Variants in STX18 observed in about 807,000 individuals in gnomAD.
STX18 encodes syntaxin-18.
STX18 carries 40 observed loss-of-function variants against 50.1 expected under a neutral mutation model. The observed-to-expected ratio is 0.80, with a 90% CI of 0.62 to 1.04. STX18 has a LOEUF of 1.04. Among genes scored for constraint, STX18 ranks in the 50% least tolerant of loss-of-function variants. The pLI is 0.00. For synonymous variants in STX18, 158 were observed against 151.8 expected (o/e 1.04, Z -0.30); for missense variants, 410 against 415.8 (o/e 0.99, Z 0.12).
At chr4:4,499,237 A>G (rs1331079030) in intron 1 of STX18, among the ~76,000 whole-genome samples, 2 of 152,238 alleles carry the variant, frequency 1.3e-5, no homozygotes, top group African/African-American at 2.4e-5. Flanking sequence ...ATGGAAAGCC[A>G]TAATTGTAAT....
intron 1 of STX18, among the ~76,000 whole-genome samples, chr4:4,487,412 G>A (rs1461203438): frequency 6.6e-6 from 1 of 152,206 alleles, no homozygotes; most frequent in African/African-American, 2.4e-5. Flanking sequence ...CGGACACCAT[G>A]TTAAACCCAT....
At chr4:4,527,865 C>CATATATATATATATAT (rs1164396031) in intron 1 of STX18, among the ~76,000 whole-genome samples, 4 of 103,504 alleles carry the variant, frequency 3.9e-5, no homozygotes, top group African/African-American at 1.4e-4. Flanking sequence ...CACACACACA[C>CATATATATATATATAT]ACATATATAT....
chr4:4,422,129 T>A (rs771948243), intron 9 of STX18, among the ~76,000 whole-genome samples: 5 of 152,180 alleles, frequency 3.3e-5, no homozygotes, highest in Non-Finnish European at 7.4e-5. Context: ...TGGGATGGCT[T>A]TGCCTCATCA....
chr4:4,496,917 G>A (rs749050016), intron 1 of STX18, among the ~76,000 whole-genome samples: 2 of 152,226 alleles, frequency 1.3e-5, no homozygotes, highest in Non-Finnish European at 2.9e-5. Flanking sequence ...AGGAGGTGGG[G>A]AGAACTCCTT....
chr4:4,459,005 G>A (rs13149793), intron 3 of STX18, among the ~76,000 whole-genome samples: 13,896 of 151,358 alleles, frequency 0.092, 1,172 homozygotes, highest in African/African-American at 0.22. Context: ...GCACACATGT[G>A]CATACACACA....
chr4:4,467,724 T>C (rs1025886216), intron 2 of STX18, among the ~76,000 whole-genome samples: 5 of 116,998 alleles, frequency 4.3e-5, no homozygotes, highest in Non-Finnish European at 7.9e-5. Flanking sequence ...ACATTCAGGA[T>C]GGAAAGATAA....
intron 1 of STX18, among the ~76,000 whole-genome samples, chr4:4,512,258 G>A (rs1351726788): frequency 6.6e-6 from 1 of 151,934 alleles, no homozygotes; most frequent in Non-Finnish European, 1.5e-5. Flanking sequence ...ATGAAAACTG[G>A]CCACCAACAG....
At chr4:4,523,931 C>T (rs1460321029) in intron 1 of STX18, among the ~76,000 whole-genome samples, 1 of 152,162 alleles carries the variant, frequency 6.6e-6, no homozygotes, top group Non-Finnish European at 1.5e-5. Context: ...TCCTGTTATG[C>T]CCTCTCCCTT....
At chr4:4,499,940 T>C (rs549659538) in intron 1 of STX18, among the ~76,000 whole-genome samples, 6 of 152,196 alleles carry the variant, frequency 3.9e-5, no homozygotes, top group African/African-American at 1.4e-4. Context: ...ATGTTCCAAA[T>C]GGGTCACTGT....
intron 1 of STX18, among the ~76,000 whole-genome samples, chr4:4,511,388 T>C (rs1483275498): frequency 6.6e-6 from 1 of 152,244 alleles, no homozygotes; most frequent in Non-Finnish European, 1.5e-5. Context: ...TTGATTTTTA[T>C]CATAATCATT....
intron 5 of STX18, 89 bp downstream of exon 5, chr4:4,457,102 T>C (rs1727120292): frequency 4.8e-6 from 6 of 1,245,390 alleles, no homozygotes; most frequent in South Asian, 1.3e-5. Flanking sequence ...ACACGGTACA[T>C]TGCATAGGGT....
chr4:4,421,091 G>A, intron 9 of STX18, 147 bp from the exon 10 acceptor site: 2 of 729,496 alleles, frequency 2.7e-6, no homozygotes, highest in Non-Finnish European at 4.6e-6. Context: ...ACATTTTGAA[G>A]TTTAGGGATG....
At chr4:4,492,111 G>C (rs1374542101) in intron 1 of STX18, among the ~76,000 whole-genome samples, 4 of 151,990 alleles carry the variant, frequency 2.6e-5, no homozygotes, top group Admixed American at 1.3e-4. Flanking sequence ...TTCTCTTATA[G>C]GGAGCTGTCA....
At chr4:4,458,416 T>C (rs1257915960) in intron 3 of STX18, among the ~76,000 whole-genome samples, 1 of 152,210 alleles carries the variant, frequency 6.6e-6, no homozygotes, top group Non-Finnish European at 1.5e-5. Flanking sequence ...TAGAATTTTG[T>C]GTATGTACAT....
intron 5 of STX18, among the ~76,000 whole-genome samples, chr4:4,450,586 G>A (rs1279074063): frequency 6.6e-6 from 1 of 152,192 alleles, no homozygotes; most frequent in Non-Finnish European, 1.5e-5. Flanking sequence ...TTACAGGCGT[G>A]AGCCACTACA....
chr4:4,458,909 A>G (rs1264363719), intron 3 of STX18, among the ~76,000 whole-genome samples: 2 of 152,166 alleles, frequency 1.3e-5, no homozygotes, highest in Non-Finnish European at 1.5e-5. Flanking sequence ...GTTTGATAGG[A>G]AAGTTTACTT....
At chr4:4,530,732 G>C (rs530084778) in intron 1 of STX18, among the ~76,000 whole-genome samples, 8 of 151,986 alleles carry the variant, frequency 5.3e-5, no homozygotes, top group African/African-American at 1.9e-4. Context: ...CAGCCTCCCG[G>C]GTAGCTGAGA....
intron 2 of STX18, among the ~76,000 whole-genome samples, chr4:4,464,902 GT>G (rs201963387): frequency 3.2e-4 from 46 of 144,150 alleles, no homozygotes; most frequent in East Asian, 1.4e-3. Context: ...TTTTCGAAGC[GT>G]TTTTTTTTTT....
intron 5 of STX18, among the ~76,000 whole-genome samples, chr4:4,454,658 A>G (rs1404729795): frequency 1.3e-5 from 2 of 152,118 alleles, no homozygotes; most frequent in African/African-American, 2.4e-5. Flanking sequence ...ACTGCTTTCT[A>G]TCTCTCTAAT....
Sources: gnomAD v4.1 joint callset for allele counts (sites outside exome capture counted in the v4.1 genomes callset) on GRCh38, gnomAD v4.1.1 for gene constraint, MANE v1.5 for transcripts, NCBI Gene and HGNC (gene_info 2026-07-23, HGNC 2026-07-21) for gene names.